Variants in ABCC9 observed in about 807,000 individuals in gnomAD.
ABCC9 encodes the protein ATP-binding cassette sub-family C member 9.
In ABCC9, 95 loss-of-function variants were observed where a neutral mutation model predicts 188.3. The observed-to-expected ratio is 0.50, with a 90% confidence interval of 0.43 to 0.60. The LOEUF is 0.60. ABCC9 is among the 20% of genes least tolerant of loss of function. ABCC9 has a pLI of 0.00. For synonymous variants in ABCC9, 659 were observed against 652.7 expected (o/e 1.01, Z -0.15); for missense variants, 1,102 against 1,876.3 (o/e 0.59, Z 7.62).
At chr12:21,905,846 C>G (rs760090705) in intron 12 of ABCC9, among the ~76,000 whole-genome samples, 4 of 152,032 alleles carry the variant, frequency 2.6e-5, no homozygotes, top group Non-Finnish European at 4.4e-5. Flanking sequence ...AGAAAACCAA[C>G]GATTTCAGTT....
Position 21,941,203 on chromosome 12 carries a change from G to A in ABCC9, c.-140C>T, listed in dbSNP as rs1460651241. On this transcript the variant is annotated 5_prime_UTR_variant, in exon 1 of 40. Transcript: ENST00000261200. The surrounding 1 kb of genome is among the most constrained non-coding windows in gnomAD (Gnocchi z 5.4). The stretch of plus-strand genomic sequence containing the variant: ...TAAAAGACACGGATTCACTTACTCC[G>A]ATGACAGTTTTCCTCCCCTAGGCGA... 1 of 152,270 alleles carries A rather than the reference G, an allele frequency of 6.6e-6. No individual in the cohort carries two copies. The highest frequency in any genetic ancestry group is 1.5e-5 in the Non-Finnish European group (1 of 68,054). The allele number at this position is 152,270 out of a possible 1,614,324, so 9.4% of individuals were successfully genotyped here.
chr12:21,863,792 G>A (rs971921993), intron 19 of ABCC9, among the ~76,000 whole-genome samples: 2 of 152,116 alleles, frequency 1.3e-5, no homozygotes, highest in African/African-American at 4.8e-5. Context: ...TCCACAGTTA[G>A]TTCATGATCT....
intron 7 of ABCC9, among the ~76,000 whole-genome samples, chr12:21,913,281 TA>T (rs749382614): frequency 2.0e-4 from 30 of 152,130 alleles, no homozygotes; most frequent in Non-Finnish European, 8.8e-5. Context: ...TTTAATAAAA[TA>T]GAGAGAATGA....
intron 37 of ABCC9, among the ~76,000 whole-genome samples, chr12:21,807,683 T>C (rs959497721): frequency 1.3e-5 from 2 of 152,166 alleles, no homozygotes; most frequent in African/African-American, 4.8e-5. Flanking sequence ...TTTATGACAA[T>C]AGGTAGTGAA....
intron 12 of ABCC9, among the ~76,000 whole-genome samples, chr12:21,899,451 T>TGGACAGTGGGTGCA (rs1185272778): frequency 3.9e-5 from 6 of 152,048 alleles, no homozygotes; most frequent in Non-Finnish European, 7.4e-5. Flanking sequence ...TGGGGCTTGT[T>TGGACAGTGGGTGCA]GGACAGTGGG....
At chr12:21,862,501 T>C (rs993510320) in intron 20 of ABCC9, among the ~76,000 whole-genome samples, 4 of 152,188 alleles carry the variant, frequency 2.6e-5, no homozygotes, top group Non-Finnish European at 4.4e-5. Context: ...TACCTTCTTA[T>C]GTGGTGGTGG....
chr12:21,830,229 T>C (rs140417156), intron 30 of ABCC9, among the ~76,000 whole-genome samples: 37 of 152,358 alleles, frequency 2.4e-4, no homozygotes, highest in Non-Finnish European at 4.0e-4. Context: ...TGTTACATGG[T>C]AGAAAAAATC....
chr12:21,873,442 C>T (rs1946180294), intron 17 of ABCC9, among the ~76,000 whole-genome samples: 1 of 152,202 alleles, frequency 6.6e-6, no homozygotes, highest in African/African-American at 2.4e-5. Flanking sequence ...GAAAAGACTT[C>T]TGGGCTTAGG....
intron 20 of ABCC9, among the ~76,000 whole-genome samples, chr12:21,861,411 T>C (rs1016595476): frequency 6.6e-6 from 1 of 152,018 alleles, no homozygotes; most frequent in African/African-American, 2.4e-5. Flanking sequence ...TTTTGCATTT[T>C]AGTAGAGACA....
chr12:21,805,093 C>T, intron 39 of ABCC9: 1 of 1,592,136 alleles, frequency 6.3e-7, no homozygotes, highest in Admixed American at 1.7e-5. Context: ...TTATTCACAG[C>T]ATTAGCCATG....
At chr12:21,822,800 A>AAG (rs1943134036) in intron 31 of ABCC9, among the ~76,000 whole-genome samples, 1 of 152,050 alleles carries the variant, frequency 6.6e-6, no homozygotes, top group Non-Finnish European at 1.5e-5. Context: ...CAAAAAAAAA[A>AAG]AAAAAAAAAG....
chr12:21,829,191 CTTTTTTTTTTTTT>C (rs11430045), intron 30 of ABCC9, 131 bp from the exon 31 acceptor site: 15 of 230,714 alleles, frequency 6.5e-5, no homozygotes, highest in African/African-American at 3.2e-4. Context: ...AAATAGATTT[CTTTTTTTTTTTTT>C]TTTTTTTTTT....
chr12:21,853,015 T>A (rs1451202175), intron 22 of ABCC9, among the ~76,000 whole-genome samples: 1 of 151,972 alleles, frequency 6.6e-6, no homozygotes, highest in Non-Finnish European at 1.5e-5. Context: ...CAAAACTAGG[T>A]ATAGAAAATG....
At chr12:21,825,078 C>G (rs1943290770) in intron 31 of ABCC9, among the ~76,000 whole-genome samples, 1 of 152,082 alleles carries the variant, frequency 6.6e-6, no homozygotes, top group African/African-American at 2.4e-5. Context: ...AAATGCAAAT[C>G]AAAACCACAA....
At position 21,807,490 on chromosome 12, in the gene ABCC9, G is replaced by T. The variant is rs750331807; in HGVS notation, c.4316-11C>A. On this transcript the variant is annotated splice_polypyrimidine_tract_variant and intron_variant, in intron 37 of 39. Coordinates refer to ENST00000261200, the MANE Select transcript of ABCC9 (RefSeq NM_020297.4). ...CAGTGACAACCGCATCTAAATCAGA[G>T]AAAGAAGCAAGGATTTCACTAAAGA... 3.1e-6 allele frequency: 5 copies of T among 1,613,482 alleles called. No individual in the cohort carries two copies. The highest frequency in any genetic ancestry group is 1.7e-5 in the Admixed American group (1 of 59,946).
chr12:21,819,383 A>C (rs1267081670), intron 31 of ABCC9, among the ~76,000 whole-genome samples: 1 of 152,208 alleles, frequency 6.6e-6, no homozygotes, highest in East Asian at 1.9e-4. Context: ...GAACATGCTG[A>C]AGTCAAAGAA....
intron 4 of ABCC9, among the ~76,000 whole-genome samples, chr12:21,927,276 G>A (rs777934622): frequency 6.6e-6 from 1 of 152,190 alleles, no homozygotes; most frequent in African/African-American, 2.4e-5. Context: ...TGAAACACTT[G>A]AATAGGTAAG....
chr12:21,931,447 A>G (rs1326810651), intron 4 of ABCC9, among the ~76,000 whole-genome samples: 1 of 152,122 alleles, frequency 6.6e-6, no homozygotes, highest in African/African-American at 2.4e-5. Flanking sequence ...AAGCCTGAAT[A>G]AAAAGGGTAA....
intron 26 of ABCC9, among the ~76,000 whole-genome samples, chr12:21,845,242 A>G (rs1379256315): frequency 6.6e-6 from 1 of 152,164 alleles, no homozygotes; most frequent in African/African-American, 2.4e-5. Flanking sequence ...CAAAATGACC[A>G]GCTAATATAC....
Sources: allele counts gnomAD v4.1 joint callset (sites outside exome capture counted in the v4.1 genomes callset), GRCh38; gene constraint gnomAD v4.1.1; non-coding constraint Gnocchi (gnomAD v3.1); transcripts MANE v1.5; gene names NCBI Gene and HGNC (gene_info 2026-07-23, HGNC 2026-07-21).